The following ARHGAP6 variants were observed in gnomAD, a reference collection of about 807,000 sequenced individuals.
The protein encoded by ARHGAP6 is Rho GTPase activating protein 6, also known as rho GTPase-activating protein 6.
In ARHGAP6, 16 loss-of-function variants were observed where a neutral mutation model predicts 55.7. The ratio of observed to expected loss-of-function variants is 0.29; its 90% CI spans 0.19 to 0.44. The LOEUF (loss-of-function observed/expected upper bound fraction) is 0.44. Among genes scored for constraint, ARHGAP6 ranks in the 20% least tolerant of loss-of-function variants. The pLI is 1.00. For missense variants in ARHGAP6, 698 were observed against 808.9 expected (o/e 0.86, Z 1.66); for synonymous variants, 382 against 360.9 (o/e 1.06, Z -0.66).
chrX:11,172,091 T>G (rs1489882926), intron 8 of ARHGAP6, among the ~76,000 whole-genome samples: 1 of 111,109 alleles, frequency 9.0e-6, no homozygotes, highest in African/African-American at 3.3e-5. Flanking sequence ...GGAGTCCCAA[T>G]GAACAGCTGA....
Position 11,376,197 on chromosome X carries a change from C to A in ARHGAP6, c.589-121490G>T, listed in dbSNP as rs1000015809. Among the ~76,000 whole-genome samples the A allele has an allele frequency of 2.7e-5, 3 of 112,149 alleles. No individual in the cohort carries two copies. The Admixed American group carries it at 2.8e-4, about 11-fold the overall frequency. On this transcript the variant is annotated intron_variant, in intron 1 of 12. Transcript: ENST00000337414. The stretch of plus-strand genomic sequence containing the variant: ...TCATCTATTGGCAGAAAGATGGCCT[C>A]CCAAAGATGTCCACACACCCATCCC...
At chrX:11,223,106 TAAAC>T (rs1481742019) in intron 2 of ARHGAP6, 8 of 160,899 alleles carry the variant, frequency 5.0e-5, no homozygotes, top group African/African-American at 2.6e-4. Context: ...TATCTGCAAA[TAAAC>T]TACTTTTCAA....
intron 1 of ARHGAP6, among the ~76,000 whole-genome samples, chrX:11,357,930 A>G (rs904037977): frequency 1.8e-5 from 2 of 112,159 alleles, no homozygotes; most frequent in African/African-American, 3.2e-5. Flanking sequence ...TTTAAAGTGT[A>G]CAATCCAGTA....
At chrX:11,372,790 A>G (rs1276682109) in intron 1 of ARHGAP6, among the ~76,000 whole-genome samples, 4 of 106,566 alleles carry the variant, frequency 3.8e-5, no homozygotes, top group East Asian at 2.9e-4. Context: ...AAAAAAAAAA[A>G]AAAAAAGAAA....
At chrX:11,354,960 AT>A (rs2048914741) in intron 1 of ARHGAP6, among the ~76,000 whole-genome samples, 1 of 111,867 alleles carries the variant, frequency 8.9e-6, no homozygotes, top group Non-Finnish European at 1.9e-5. Context: ...ATATATAATA[AT>A]TTAATTAGAT....
intron 1 of ARHGAP6, among the ~76,000 whole-genome samples, chrX:11,596,122 T>C (rs150698240): frequency 0.18 from 20,286 of 111,300 alleles, 1,520 homozygotes; most frequent in African/African-American, 0.26. Flanking sequence ...CACATGCACA[T>C]ATATGCTTAT....
At chrX:11,511,813 C>T (rs1325789029) in intron 1 of ARHGAP6, among the ~76,000 whole-genome samples, 2 of 110,980 alleles carry the variant, frequency 1.8e-5, no homozygotes, top group Non-Finnish European at 3.8e-5. Flanking sequence ...TCCTTTTACT[C>T]TAGCGTGCCA....
At chrX:11,380,862 C>T (rs1271070807) in intron 1 of ARHGAP6, among the ~76,000 whole-genome samples, 1 of 112,113 alleles carries the variant, frequency 8.9e-6, no homozygotes, top group East Asian at 2.8e-4. Flanking sequence ...AAAAATGTTT[C>T]CAGACATTGC....
chrX:11,295,519 G>A (rs1400571872), intron 1 of ARHGAP6, among the ~76,000 whole-genome samples: 1 of 111,492 alleles, frequency 9.0e-6, no homozygotes, highest in Non-Finnish European at 1.9e-5. Context: ...TAAGGGCAGA[G>A]AACTTAGATC....
At chrX:11,315,410 G>T (rs1249928244) in intron 1 of ARHGAP6, among the ~76,000 whole-genome samples, 1 of 112,088 alleles carries the variant, frequency 8.9e-6, no homozygotes, top group Non-Finnish European at 1.9e-5. Context: ...TGATCTGACG[G>T]GCGGCGGAGC....
chrX:11,664,479 C>A lies in ARHGAP6; in HGVS notation c.350G>T (p.Ser117Ile). Reference sequence around the variant, plus strand: ...GGGAACCTCATAGTCAAAGTGAAAGCTGCCGGATGGTGACTTCTCCTGCGG... The same window carrying A: ...GGGAACCTCATAGTCAAAGTGAAAGATGCCGGATGGTGACTTCTCCTGCGG... The part of the protein sequence containing the change: ...STPQEKSPSG[S>I]FHFDYEVPLG... Residue 117 changes from serine to isoleucine, a missense_variant, in exon 1 of 13, where the codon AGC (serine) becomes ATC (isoleucine). Physicochemically the swap from Ser to Ile is moderately radical, Grantham distance 142 (BLOSUM62 -2). This residue lies in a region of ARHGAP6 where 164 missense variants were observed against 149.2 expected (regional missense o/e 1.10). Transcript: ENST00000337414. 1.7e-6 allele frequency: 2 copies of A among 1,209,929 alleles called. No homozygotes were observed. The highest frequency in any genetic ancestry group is 2.2e-6 in the Non-Finnish European group (2 of 894,398).
intron 1 of ARHGAP6, among the ~76,000 whole-genome samples, chrX:11,492,840 G>A (rs1276467982): frequency 1.8e-5 from 2 of 112,070 alleles, no homozygotes; most frequent in Non-Finnish European, 3.8e-5. Context: ...TCAATTCTCG[G>A]CCCCATTAAC....
intron 8 of ARHGAP6, among the ~76,000 whole-genome samples, chrX:11,172,576 T>C (rs1382543020): frequency 8.9e-6 from 1 of 112,087 alleles, no homozygotes; most frequent in African/African-American, 3.2e-5. Context: ...GAGAACAATC[T>C]AGAGCTCTGT....
intron 2 of ARHGAP6, among the ~76,000 whole-genome samples, chrX:11,237,741 T>A (rs2047221774): frequency 8.9e-6 from 1 of 112,102 alleles, no homozygotes; most frequent in Non-Finnish European, 1.9e-5. Context: ...ACCAATGAAA[T>A]TCATAGGCAA....
chrX:11,330,923 G>T (rs2048555938), intron 1 of ARHGAP6, among the ~76,000 whole-genome samples: 1 of 111,570 alleles, frequency 9.0e-6, no homozygotes, highest in Non-Finnish European at 1.9e-5. Context: ...GAAGAATTTT[G>T]TTGGGGCTCA....
Position 11,351,579 on chromosome X carries a change from C to A in ARHGAP6, c.589-96872G>T, listed in dbSNP as rs73496996. ...CCATGGGCCTTGTACCGCCTCAGTA[C>A]TGTCTTCCCACCATTCTCAACGAGG... On this transcript the variant is annotated intron_variant, in intron 1 of 12. Coordinates refer to ENST00000337414, the MANE Select transcript of ARHGAP6 (RefSeq NM_013427.3). 5.1e-4 allele frequency: 382 copies of A among 751,977 alleles called. 1 individual carries two copies. In the African/African-American group the frequency reaches 6.9e-3, roughly 14 times the overall value. 62.0% of individuals were successfully genotyped at this position (751,977 alleles called of 1,213,427 possible). A position where few individuals can be genotyped will look rare whatever the true frequency, so the allele number is the denominator to read the frequency against.
At chrX:11,359,815 A>C (rs2048985165) in intron 1 of ARHGAP6, among the ~76,000 whole-genome samples, 2 of 112,223 alleles carry the variant, frequency 1.8e-5, no homozygotes, top group Admixed American at 1.9e-4. Context: ...AAAAAATGAT[A>C]AAGGGGATAT....
chrX:11,280,372 A>G (rs1477274029), intron 1 of ARHGAP6, among the ~76,000 whole-genome samples: 2 of 111,602 alleles, frequency 1.8e-5, no homozygotes, highest in African/African-American at 6.5e-5. Context: ...ATCCTGGGAC[A>G]CTAGGTCATT....
At chrX:11,320,188 C>T (rs954496211) in intron 1 of ARHGAP6, among the ~76,000 whole-genome samples, 13 of 111,646 alleles carry the variant, frequency 1.2e-4, no homozygotes, top group Middle Eastern at 9.3e-3. Context: ...GTTCTGTTAG[C>T]TCATGACTGC....
Sources: gnomAD v4.1 joint callset for allele counts (sites outside exome capture counted in the v4.1 genomes callset) on GRCh38, gnomAD v4.1.1 for gene constraint, gnomAD v4.1.1 regional missense constraint, MANE v1.5 for transcripts, NCBI Gene and HGNC (gene_info 2026-07-23, HGNC 2026-07-21) for gene names.